DGKB: variants seen among roughly 807,000 people sequenced by gnomAD.
The protein encoded by DGKB is diacylglycerol kinase beta.
DGKB carries 67 observed loss-of-function variants against 114.3 expected under a neutral mutation model. That is an observed-to-expected ratio of 0.59 (90% confidence interval 0.48 to 0.72). The LOEUF (loss-of-function observed/expected upper bound fraction) is 0.72. Ranked by LOEUF, DGKB falls within the 30% of genes least tolerant of loss-of-function variation. The pLI is 0.00. For missense variants in DGKB, 907 were observed against 975.2 expected (o/e 0.93, Z 0.93); for synonymous variants, 398 against 323.1 (o/e 1.23, Z -2.49).
chr7:14,504,438 G>A (rs1170850786), intron 20 of DGKB, among the ~76,000 whole-genome samples: 2 of 152,166 alleles, frequency 1.3e-5, no homozygotes, highest in Admixed American at 6.5e-5. Context: ...TTAAAGTTTA[G>A]TATTGACAAA....
chr7:14,735,937 A>G, intron 5 of DGKB, 104 bp downstream of exon 5: 1 of 742,808 alleles, frequency 1.3e-6, no homozygotes, highest in Non-Finnish European at 2.0e-6. Context: ...ACCCTGTAAC[A>G]AAACAATTTT....
rs560040134 is a variant in DGKB at position 14,504,345 on chromosome 7, C to A, written c.1771-26120G>T. On this transcript the variant is annotated intron_variant, in intron 20 of 25. Transcript: ENST00000402815. The stretch of plus-strand genomic sequence containing the variant: ...CGCCTTTCTAATGGTAATGAAGTCA[C>A]ACAGCTGCTAGGACAATCAGCTGGA... Among the ~76,000 whole-genome samples, 6 of 152,246 alleles carry A rather than the reference C, an allele frequency of 3.9e-5. No individual in the cohort carries two copies. The South Asian group carries it at 1.2e-3, about 32-fold the overall frequency.
intron 23 of DGKB, among the ~76,000 whole-genome samples, chr7:14,329,179 A>G (rs1809274112): frequency 6.6e-6 from 1 of 151,964 alleles, no homozygotes; most frequent in Non-Finnish European, 1.5e-5. Context: ...AAATTCATAC[A>G]GCTCAAATAC....
intron 1 of DGKB, among the ~76,000 whole-genome samples, chr7:14,956,829 T>A (rs532864571): frequency 2.3e-4 from 35 of 151,806 alleles, no homozygotes; most frequent in Non-Finnish European, 4.7e-4. Context: ...GTGTGATACT[T>A]CTACTAGAGG....
intron 16 of DGKB, among the ~76,000 whole-genome samples, chr7:14,609,005 T>C (rs563250031): frequency 6.6e-6 from 1 of 152,160 alleles, no homozygotes; most frequent in South Asian, 2.1e-4. Flanking sequence ...ATTTATAGAT[T>C]TAACACTATT....
At chr7:14,705,300 A>C (rs1383858090) in intron 6 of DGKB, among the ~76,000 whole-genome samples, 2 of 149,726 alleles carry the variant, frequency 1.3e-5, no homozygotes, top group Admixed American at 6.7e-5. Flanking sequence ...CAAAGCCTCC[A>C]AGAAATATGG....
chr7:14,706,995 A>G (rs1826373917), intron 6 of DGKB, among the ~76,000 whole-genome samples: 1 of 150,710 alleles, frequency 6.6e-6, no homozygotes, highest in Non-Finnish European at 1.5e-5. Flanking sequence ...ATAGAGACAC[A>G]AAAAACCCTT....
At chr7:14,735,655 T>C (rs927514437) in intron 5 of DGKB, among the ~76,000 whole-genome samples, 2 of 152,310 alleles carry the variant, frequency 1.3e-5, no homozygotes, top group South Asian at 2.1e-4. Context: ...TGAAAGTATA[T>C]TGGCAATTAG....
chr7:14,775,262 C>A (rs2128478301), intron 2 of DGKB, among the ~76,000 whole-genome samples: 1 of 151,384 alleles, frequency 6.6e-6, no homozygotes, highest in East Asian at 2.0e-4. Context: ...AATGGTAATT[C>A]TTTTATAGCT....
chr7:14,901,113 G>T (rs1342056520), intron 1 of DGKB, among the ~76,000 whole-genome samples: 1 of 152,172 alleles, frequency 6.6e-6, no homozygotes, highest in Non-Finnish European at 1.5e-5. Context: ...ATGTATGTGT[G>T]TGGCATGGAT....
chr7:14,565,293 A>G (rs1234016733), intron 20 of DGKB, among the ~76,000 whole-genome samples: 1 of 152,274 alleles, frequency 6.6e-6, no homozygotes, highest in Non-Finnish European at 1.5e-5. Context: ...ACCAACTGCC[A>G]GATATATGAG....
intron 19 of DGKB, among the ~76,000 whole-genome samples, chr7:14,580,621 CTT>C (rs1385946373): frequency 1.3e-5 from 2 of 152,154 alleles, no homozygotes; most frequent in African/African-American, 4.8e-5. Context: ...TGTTTGGAAA[CTT>C]GACCTCCTTT....
chr7:14,434,503 C>T (rs1468071997), intron 21 of DGKB, among the ~76,000 whole-genome samples: 3 of 152,036 alleles, frequency 2.0e-5, no homozygotes, highest in Admixed American at 6.6e-5. Flanking sequence ...GCGTTGCTGG[C>T]TTTGCAGATA....
intron 2 of DGKB, among the ~76,000 whole-genome samples, chr7:14,823,975 T>A (rs57335741): frequency 0.018 from 2,748 of 152,274 alleles, 88 homozygotes; most frequent in African/African-American, 0.063. Flanking sequence ...TAGTTCCACA[T>A]GGCTGGGGAA....
chr7:14,853,269 A>T (rs1849648432), intron 1 of DGKB, among the ~76,000 whole-genome samples: 1 of 152,158 alleles, frequency 6.6e-6, no homozygotes, highest in Admixed American at 6.5e-5. Flanking sequence ...CATAGATGTC[A>T]CCAATAGAAA....
intron 14 of DGKB, among the ~76,000 whole-genome samples, chr7:14,626,216 C>T (rs1808559647): frequency 6.6e-6 from 1 of 152,120 alleles, no homozygotes; most frequent in African/African-American, 2.4e-5. Flanking sequence ...TTATCGATCG[C>T]TGGCAAACTG....
At chr7:14,331,874 G>A (rs564511023) in intron 23 of DGKB, among the ~76,000 whole-genome samples, 80 of 152,236 alleles carry the variant, frequency 5.3e-4, no homozygotes, top group Admixed American at 9.2e-4. Flanking sequence ...AGTCACTTGA[G>A]TAGAGATACT....
At chr7:14,372,089 A>C (rs73265829) in intron 21 of DGKB, among the ~76,000 whole-genome samples, 30 of 152,198 alleles carry the variant, frequency 2.0e-4, no homozygotes, top group African/African-American at 7.2e-4. Flanking sequence ...GCCTCTCTCC[A>C]AGGCAGTTCC....
At chr7:14,954,883 T>C (rs11971524) in intron 1 of DGKB, among the ~76,000 whole-genome samples, 2,734 of 152,134 alleles carry the variant, frequency 0.018, 74 homozygotes, top group African/African-American at 0.056. Context: ...ACATATCATA[T>C]CCTTTTTATG....
Sources: gnomAD v4.1 joint callset for allele counts (sites outside exome capture counted in the v4.1 genomes callset) on GRCh38, gnomAD v4.1.1 for gene constraint, MANE v1.5 for transcripts, NCBI Gene and HGNC (gene_info 2026-07-23, HGNC 2026-07-21) for gene names.